Variants in UBR4 observed in about 807,000 individuals in gnomAD.
UBR4 encodes ubiquitin protein ligase E3 component n-recognin 4.
A neutral mutation model predicts 575.6 loss-of-function variants in UBR4; 124 were observed. The ratio of observed to expected loss-of-function variants is 0.22; its 90% CI spans 0.19 to 0.25. UBR4 has a LOEUF of 0.25. UBR4 is among the 10% of genes least tolerant of loss of function. The pLI is 1.00. For missense variants in UBR4, 4,818 were observed against 6,478.8 expected, an observed-to-expected ratio of 0.74 and a Z score of 8.80; for synonymous variants, 2,455 against 2,473.7, an observed-to-expected ratio of 0.99 and a Z score of 0.22.
chr1:19,147,038 C>G, intron 51 of UBR4, 38 bp from the exon 52 acceptor site: 1 of 1,539,590 alleles, frequency 6.5e-7, no homozygotes. Context: ...CAGCCATAAG[C>G]AAGAGCTGGG....
Position 19,155,509 on chromosome 1 carries a change from C to T in UBR4, c.6232G>A (p.Ala2078Thr). Residue 2078 changes from alanine to threonine, a missense_variant, in exon 43 of 106, where the codon GCC becomes ACC. By Grantham distance (58) the Ala-to-Thr change is moderately conservative. Around this residue, in one of 29 missense-constraint regions of UBR4, gnomAD observed 461 missense variants for 606.9 expected, o/e 0.76. Coordinates refer to ENST00000375254, the MANE Select transcript of UBR4 (RefSeq NM_020765.3). ...AAGGGTCCCTGCTGGGCACTGCTGG[C>T]CTCTTCCATAAGCTGAGTATAGATG... is the stretch of plus-strand genomic sequence containing the variant. ...GYIYTQLMEEASSAQQGPFYV... is the reference protein window; with the variant it reads ...GYIYTQLMEETSSAQQGPFYV... 6.2e-7 allele frequency: 1 copy of T among 1,614,142 alleles called. No homozygotes were observed. Among genetic ancestry groups the T allele is most frequent in the Non-Finnish European group, 8.5e-7 (1 of 1,180,018 alleles).
intron 14 of UBR4, 60 bp from the exon 15 acceptor site, chr1:19,185,346 T>A: frequency 6.8e-7 from 1 of 1,471,350 alleles, no homozygotes; most frequent in Non-Finnish European, 9.1e-7. Flanking sequence ...TTTTGGTGCA[T>A]CTGCTTCCTA....
intron 8 of UBR4, among the ~76,000 whole-genome samples, chr1:19,194,361 G>C (rs542467553): frequency 7.8e-4 from 119 of 152,272 alleles, no homozygotes; most frequent in African/African-American, 2.7e-3. Context: ...GGTGGTGCAT[G>C]CCTCTAGTTC....
chr1:19,128,039 T>C (rs1472321694), intron 62 of UBR4, among the ~76,000 whole-genome samples, 172 bp downstream of exon 62: 3 of 152,196 alleles, frequency 2.0e-5, no homozygotes. Context: ...TCCAAAACTA[T>C]GCTCGGGCCA....
Position 19,117,163 on chromosome 1 carries a change from G to C in UBR4, c.10823+58C>G, listed in dbSNP as rs2080640798. 3 of 1,580,152 alleles carry C rather than the reference G, an allele frequency of 1.9e-6. No homozygotes were observed. The highest frequency in any genetic ancestry group is 1.7e-5 in the Admixed American group (1 of 58,902). ...TACTCCATTCCAGGAACCGAAGGCA[G>C]CAACTGAGCTTCAGCCTTACAACCT... On this transcript the variant is annotated intron_variant, in intron 73 of 105. Coordinates refer to ENST00000375254, the MANE Select transcript of UBR4 (RefSeq NM_020765.3). The surrounding 1 kb of genome is among the most constrained non-coding windows in gnomAD (Gnocchi z 4.0).
chr1:19,203,952 T>TC (rs2092876162), intron 1 of UBR4, among the ~76,000 whole-genome samples: 1 of 152,018 alleles, frequency 6.6e-6, no homozygotes, highest in African/African-American at 2.4e-5. Flanking sequence ...CCCTACTAAA[T>TC]CCCCCTGTTT....
At position 19,154,949 on chromosome 1, in the gene UBR4, C is replaced by A; in HGVS notation, c.6427G>T (p.Val2143Leu). The A allele has an allele frequency of 6.2e-7, 1 of 1,614,172 alleles. No homozygotes were observed. The highest frequency in any genetic ancestry group is 8.5e-7 in the Non-Finnish European group (1 of 1,180,020). Residue 2143 changes from valine (V) to leucine (L), a missense_variant, in exon 44 of 106, where the codon GTG becomes TTG. Val to Leu is a conservative substitution (Grantham distance 32). Around this residue, in one of 29 missense-constraint regions of UBR4, gnomAD observed 461 missense variants for 606.9 expected, o/e 0.76. Coordinates refer to ENST00000375254, the MANE Select transcript of UBR4 (RefSeq NM_020765.3). ...ATGTTGATGGGGAAGAGTTGCAACA[C>A]CTCCAGGGTTGTCCTGCTGATGGTG... ...AATISRTTLE[V>L]LQLFPINIKS...
intron 39 of UBR4, among the ~76,000 whole-genome samples, chr1:19,159,248 C>T (rs897814203): frequency 2.0e-5 from 3 of 152,180 alleles, no homozygotes; most frequent in African/African-American, 7.2e-5. Context: ...TATTACTTAA[C>T]TCTGCTGCTA....
intron 101 of UBR4, 107 bp downstream of exon 101, chr1:19,086,038 G>A (rs1570253748): frequency 6.8e-7 from 1 of 1,460,600 alleles, no homozygotes; most frequent in African/African-American, 1.4e-5. Flanking sequence ...GGATTCCCAA[G>A]GAAGGTAACA....
chr1:19,099,566 C>T (rs749803191), intron 90 of UBR4, 31 bp downstream of exon 90: 1 of 1,601,076 alleles, frequency 6.2e-7, no homozygotes, highest in Non-Finnish European at 8.5e-7. Context: ...AAAGTGAAAC[C>T]ACACCTCCAA....
At chr1:19,114,429 A>C (rs1017885972) in intron 75 of UBR4, among the ~76,000 whole-genome samples, 1 of 151,328 alleles carries the variant, frequency 6.6e-6, no homozygotes, top group African/African-American at 2.4e-5. Flanking sequence ...AATATCTAGA[A>C]CCTCCCCCCG....
At chr1:19,180,447 G>A in intron 17 of UBR4, among the ~76,000 whole-genome samples, 1 of 150,654 alleles carries the variant, frequency 6.6e-6, no homozygotes, top group East Asian at 2.0e-4. Context: ...CCTCCCAAGT[G>A]CCACGGCGCC....
chr1:19,106,009 T>C (rs1196044160), intron 83 of UBR4, among the ~76,000 whole-genome samples, 167 bp from the exon 84 acceptor site: 1 of 152,052 alleles, frequency 6.6e-6, no homozygotes, highest in Non-Finnish European at 1.5e-5. Flanking sequence ...CTCTACTGTT[T>C]TAGATGGGGA....
rs2078466842 is a variant in UBR4 at position 19,100,064 on chromosome 1, T to A, written c.13221+312A>T. 1 of 438,580 alleles carries A rather than the reference T, an allele frequency of 2.3e-6. No homozygotes were observed. Among genetic ancestry groups the A allele is most frequent in the Non-Finnish European group, 4.1e-6 (1 of 245,820 alleles). The allele number at this position is 438,580 out of a possible 1,614,324, so 27.2% of individuals were successfully genotyped here. A position where few individuals can be genotyped will look rare whatever the true frequency, so the allele number is the denominator to read the frequency against. ...AACGCCAATATTTAGGGGGCTCAGGTAACTCAGACTCACCGAGAAGTCTCT... is the reference window on the plus strand; with the variant it reads ...AACGCCAATATTTAGGGGGCTCAGGAAACTCAGACTCACCGAGAAGTCTCT... On this transcript the variant is annotated intron_variant, in intron 89 of 105. Coordinates refer to ENST00000375254, the MANE Select transcript of UBR4 (RefSeq NM_020765.3). This position sits in a 1 kb window ranked among gnomAD's most constrained non-coding sequence, Gnocchi z 4.2.
intron 29 of UBR4, 126 bp downstream of exon 29, chr1:19,166,896 A>T: frequency 9.3e-7 from 1 of 1,071,876 alleles, no homozygotes; most frequent in Non-Finnish European, 1.3e-6. Context: ...ACCATGTCTC[A>T]GAATAAAAAA....
Position 19,078,127 on chromosome 1 carries a change from AGCAAG to A in UBR4, c.15234-66_15234-62del, listed in dbSNP as rs2076138029. 34 of 1,541,984 alleles carry A rather than the reference AGCAAG, an allele frequency of 2.2e-5. No homozygotes were observed. In the South Asian group the frequency reaches 3.4e-4, roughly 16 times the overall value. On this transcript the variant is annotated intron_variant, in intron 103 of 105. Transcript: ENST00000375254. ...CCTAGGAGGATACTCACAAGGACAG[AGCAAG>A]GCATGCTGGGAGCAAGGGAAGAGTC... is the stretch of plus-strand genomic sequence containing the variant.
At chr1:19,131,669 T>C (rs1316882238) in intron 60 of UBR4, among the ~76,000 whole-genome samples, 1 of 152,112 alleles carries the variant, frequency 6.6e-6, no homozygotes, top group East Asian at 1.9e-4. Flanking sequence ...AGGTCAAAAG[T>C]TCAAGACCAG....
rs773288913 is a variant in UBR4 at position 19,167,197 on chromosome 1, G to A, written c.3934C>T (p.Arg1312Trp). 6.2e-6 allele frequency: 10 copies of A among 1,614,090 alleles called. No individual in the cohort carries two copies. Among genetic ancestry groups the A allele is most frequent in the East Asian group, 2.2e-5 (1 of 44,898 alleles). Residue 1312 changes from arginine (R) to tryptophan (W), a missense_variant, in exon 29 of 106, where the codon CGG (arginine) becomes TGG (tryptophan). Around this residue, in one of 29 missense-constraint regions of UBR4, gnomAD observed 1,172 missense variants for 1,259.7 expected, o/e 0.93. Transcript: ENST00000375254. The stretch of plus-strand genomic sequence containing the variant: ...TCCAAAAGAAGAGGTAGCAGTGTCC[G>A]AATTACCTGTGGTGGGTTCATCTCA... Reference protein sequence around the residue: ...SDEMNPPQVIRTLLPLLLESS... With the variant: ...SDEMNPPQVIWTLLPLLLESS...
intron 26 of UBR4, 75 bp downstream of exon 26, chr1:19,170,687 A>G: frequency 6.3e-7 from 1 of 1,597,770 alleles, no homozygotes; most frequent in Non-Finnish European, 8.6e-7. Flanking sequence ...AGTAGGCACC[A>G]AGGGAGAGAA....
Sources: allele counts gnomAD v4.1 joint callset (sites outside exome capture counted in the v4.1 genomes callset), GRCh38; gene constraint gnomAD v4.1.1; regional missense constraint gnomAD v4.1.1; non-coding constraint Gnocchi (gnomAD v3.1); transcripts MANE v1.5; gene names NCBI Gene and HGNC (gene_info 2026-07-23, HGNC 2026-07-21).